The following MACROH2A1 variants were observed in gnomAD, a reference collection of about 807,000 sequenced individuals.
MACROH2A1 encodes the protein core histone macro-H2A.1.
A neutral mutation model predicts 31.6 loss-of-function variants in MACROH2A1; 2 were observed. The observed-to-expected ratio is 0.06, with a 90% CI of 0.03 to 0.20. MACROH2A1 has a LOEUF of 0.20. Ranked by LOEUF, MACROH2A1 falls within the 10% of genes least tolerant of loss-of-function variation. MACROH2A1 has a pLI of 1.00. For synonymous variants in MACROH2A1, 169 were observed against 189.6 expected (o/e 0.89, Z 0.89); for missense variants, 230 against 474.0 (o/e 0.49, Z 4.78).
At chr5:135,354,631 C>A (rs3776210) in intron 5 of MACROH2A1, 4,453 of 192,342 alleles carry the variant, frequency 0.023, 123 homozygotes, top group Admixed American at 0.078. Context: ...GCCCTGGCAC[C>A]AGGACAGAGG....
chr5:135,373,077 CA>C (rs1483967707), intron 2 of MACROH2A1, among the ~76,000 whole-genome samples: 1 of 152,152 alleles, frequency 6.6e-6, no homozygotes, highest in East Asian at 1.9e-4. Flanking sequence ...GTCCTAAGCC[CA>C]ACCCTTTGGC....
At chr5:135,393,177 T>G (rs779564) in intron 1 of MACROH2A1, among the ~76,000 whole-genome samples, 22,659 of 152,154 alleles carry the variant, frequency 0.15, 3,320 homozygotes, top group African/African-American at 0.38. Context: ...CCCATCTTGT[T>G]ACTCTCACAT....
intron 1 of MACROH2A1, among the ~76,000 whole-genome samples, chr5:135,396,079 G>T (rs772686267): frequency 6.6e-6 from 1 of 152,160 alleles, no homozygotes; most frequent in East Asian, 1.9e-4. Context: ...TCGGTGATGC[G>T]CTTCCCGAGA....
intron 7 of MACROH2A1, chr5:135,344,113 G>A (rs561587950): frequency 7.8e-5 from 12 of 153,280 alleles, no homozygotes; most frequent in African/African-American, 2.9e-4. Context: ...CCCCTTTCTA[G>A]CTATACATCT....
At chr5:135,338,182 G>A (rs1581110973) in intron 8 of MACROH2A1, among the ~76,000 whole-genome samples, 1 of 152,200 alleles carries the variant, frequency 6.6e-6, no homozygotes, top group African/African-American at 2.4e-5. Flanking sequence ...GCTGAGGCAG[G>A]TCAGACCCAG....
intron 8 of MACROH2A1, among the ~76,000 whole-genome samples, chr5:135,341,125 CCTTTCATCAGAGCAGATCA>C (rs1373955792): frequency 3.9e-5 from 6 of 152,248 alleles, no homozygotes; most frequent in Non-Finnish European, 8.8e-5. Context: ...TGCGGAAGCA[CCTTTCATCAGAGCAGATCA>C]AAGTGCATTG....
chr5:135,394,627 G>A (rs1767712602), intron 1 of MACROH2A1, among the ~76,000 whole-genome samples: 1 of 152,130 alleles, frequency 6.6e-6, no homozygotes, highest in Non-Finnish European at 1.5e-5. Flanking sequence ...CTCTGCAAAT[G>A]CAGTTTCCAG....
intron 5 of MACROH2A1, chr5:135,356,573 T>C (rs1762201088): frequency 6.6e-6 from 1 of 152,132 alleles, no homozygotes; most frequent in Non-Finnish European, 1.5e-5. Context: ...TTTAAGGCAT[T>C]GTTAATGGAA....
chr5:135,369,669 G>C lies in MACROH2A1; in HGVS notation c.280-66C>G. The C allele has an allele frequency of 3.1e-6, 4 of 1,298,752 alleles. No individual in the cohort carries two copies. In the South Asian group the frequency reaches 4.8e-5, roughly 15 times the overall value. The allele number at this position is 1,298,752 out of a possible 1,614,324, so 80.5% of individuals were successfully genotyped here. A position where few individuals can be genotyped will look rare whatever the true frequency, so the allele number is the denominator to read the frequency against. ...CCTGCTTCTAACCTTCAAGAAGCCA[G>C]CCCTGCCCAGGACAGTCTTGCTTTG... On this transcript the variant is annotated intron_variant, in intron 3 of 8. Coordinates refer to ENST00000511689, the MANE Select transcript of MACROH2A1 (RefSeq NM_138610.3). This position sits in a 1 kb window ranked among gnomAD's most constrained non-coding sequence, Gnocchi z 4.3.
chr5:135,388,733 G>C (rs1434293319), intron 2 of MACROH2A1, among the ~76,000 whole-genome samples, 189 bp downstream of exon 2: 1 of 152,184 alleles, frequency 6.6e-6, no homozygotes, highest in Non-Finnish European at 1.5e-5. Context: ...AATGAGGGGA[G>C]ATAAGGCAGA....
chr5:135,343,122 C>T (rs1181819007), intron 8 of MACROH2A1, 138 bp downstream of exon 8: 1 of 1,567,614 alleles, frequency 6.4e-7, no homozygotes, highest in South Asian at 1.1e-5. Context: ...CTGCATTCTT[C>T]CCTGTGTTGT....
upstream of MACROH2A1, chr5:135,399,305 C>T (rs550292342): frequency 6.6e-6 from 1 of 152,074 alleles, no homozygotes; most frequent in South Asian, 2.0e-4. This position sits in a 1 kb window ranked among gnomAD's most constrained non-coding sequence, Gnocchi z 4.5. Context: ...CCCCGAGCGT[C>T]CGGCCTCCGC....
At chr5:135,345,713 C>T (rs1760728039) in intron 7 of MACROH2A1, 1 of 430,044 alleles carries the variant, frequency 2.3e-6, no homozygotes, top group African/African-American at 2.0e-5. Flanking sequence ...CCTATAATTT[C>T]TTAAAATTTG....
Position 135,369,725 on chromosome 5 carries a change from C to T in MACROH2A1, c.280-122G>A. 1 of 721,554 alleles carries T rather than the reference C, an allele frequency of 1.4e-6. No individual in the cohort carries two copies. The highest frequency in any genetic ancestry group is 1.7e-5 in the South Asian group (1 of 57,636). 44.7% of individuals were successfully genotyped at this position (721,554 alleles called of 1,614,324 possible). A position where few individuals can be genotyped will look rare whatever the true frequency, so the allele number is the denominator to read the frequency against. ...GTGCAGCTCCTTCCTCCATGGCATC[C>T]TCCATGAGGATGCTGCCAGGACTCA... is the stretch of plus-strand genomic sequence containing the variant. On this transcript the variant is annotated intron_variant, in intron 3 of 8. Transcript: ENST00000511689. The surrounding 1 kb of genome is among the most constrained non-coding windows in gnomAD (Gnocchi z 4.3).
In MACROH2A1 at chr5:135,358,097, T is replaced by TTAAATGTG. The variant is rs201883922; in HGVS notation, c.588+2392_588+2399dup. On this transcript the variant is annotated intron_variant, in intron 5 of 8. Coordinates refer to ENST00000511689, the MANE Select transcript of MACROH2A1 (RefSeq NM_138610.3). Reference sequence around the variant, plus strand: ...AGTCAAAATTAATGTCTATAATATTTTAAATGTGCTTTTTGTAAAAACTGT... The same window carrying TTAAATGTG: ...AGTCAAAATTAATGTCTATAATATTTTAAATGTGTAAATGTGCTTTTTGTAAAAACTGT... 1,852 of 984,524 alleles carry TTAAATGTG rather than the reference T, an allele frequency of 1.9e-3. 34 individuals carry two copies. The African/African-American group carries it at 0.03, about 16-fold the overall frequency. 61.0% of individuals were successfully genotyped at this position (984,524 alleles called of 1,614,324 possible).
chr5:135,374,303 A>G (rs1018957762), intron 2 of MACROH2A1, among the ~76,000 whole-genome samples: 5 of 152,202 alleles, frequency 3.3e-5, no homozygotes, highest in Non-Finnish European at 7.4e-5. Context: ...TCTCCAGGGC[A>G]TGTTCCTATT....
chr5:135,382,134 C>T (rs903692973), intron 2 of MACROH2A1, among the ~76,000 whole-genome samples: 2 of 152,092 alleles, frequency 1.3e-5, no homozygotes, highest in Non-Finnish European at 2.9e-5. Flanking sequence ...TTTTGTGGTG[C>T]TGTGTGCTTG....
intron 4 of MACROH2A1, chr5:135,362,723 ATAT>A (rs1762993764): frequency 1.3e-5 from 2 of 152,368 alleles, no homozygotes; most frequent in Admixed American, 1.3e-4. Flanking sequence ...GATCAATTGT[ATAT>A]TATTAATAAA....
At chr5:135,350,432 C>T (rs1047780610) in intron 6 of MACROH2A1, among the ~76,000 whole-genome samples, 9 of 152,094 alleles carry the variant, frequency 5.9e-5, no homozygotes, top group Non-Finnish European at 1.2e-4. Context: ...TGTGCACAGG[C>T]ATATGTGTCT....
Sources: allele counts gnomAD v4.1 joint callset (sites outside exome capture counted in the v4.1 genomes callset), GRCh38; gene constraint gnomAD v4.1.1; non-coding constraint Gnocchi (gnomAD v3.1); transcripts MANE v1.5; gene names NCBI Gene and HGNC (gene_info 2026-07-23, HGNC 2026-07-21).